RSPH14: variants seen among roughly 807,000 people sequenced by gnomAD.
RSPH14 encodes the protein radial spoke head 14 homolog.
RSPH14 carries 20 observed loss-of-function variants against 26.7 expected under a neutral mutation model. The observed-to-expected ratio is 0.75, with a 90% confidence interval of 0.53 to 1.09. The LOEUF is 1.09. Ranked by LOEUF, RSPH14 falls within the 50% of genes least tolerant of loss-of-function variation. The probability of loss-of-function intolerance (pLI) is 0.00; values close to 1 mark genes in which losing one functional copy is unlikely to be tolerated. For synonymous variants in RSPH14, 177 were observed against 189.3 expected (o/e 0.93, Z 0.53); for missense variants, 449 against 457.2 (o/e 0.98, Z 0.16).
At chr22:23,141,582 C>G in intron 1 of RSPH14, among the ~76,000 whole-genome samples, 1 of 152,136 alleles carries the variant, frequency 6.6e-6, no homozygotes, top group South Asian at 2.1e-4. Flanking sequence ...AGGGCTTCAG[C>G]TATGTTGGCT....
At chr22:23,139,623 A>G (rs890714767) in intron 2 of RSPH14, among the ~76,000 whole-genome samples, 2 of 151,304 alleles carry the variant, frequency 1.3e-5, no homozygotes, top group African/African-American at 4.9e-5. Flanking sequence ...GCCATCTCAA[A>G]AAATAAATAA....
chr22:23,083,326 C>G (rs1286159254), intron 4 of RSPH14, among the ~76,000 whole-genome samples: 1 of 152,026 alleles, frequency 6.6e-6, no homozygotes, highest in African/African-American at 2.4e-5. Context: ...CCAGGGATAT[C>G]ACGGGCTCCA....
intron 4 of RSPH14, among the ~76,000 whole-genome samples, chr22:23,087,831 A>G (rs560095353): frequency 3.7e-4 from 56 of 152,320 alleles, no homozygotes; most frequent in Admixed American, 6.5e-4. Flanking sequence ...CATCAAGTGC[A>G]GGGTCTGCAA....
chr22:23,150,042 C>A, the RSPH14 span: 1 of 1,573,248 alleles, frequency 6.4e-7, no homozygotes, highest in Non-Finnish European at 8.7e-7. Flanking sequence ...ATGATGTGTC[C>A]GTCTGTCTGT....
rs1007401272 is a variant in RSPH14 at position 23,109,553 on chromosome 22, G to A, written c.421+24473C>T. On this transcript the variant is annotated intron_variant, in intron 4 of 6. Coordinates refer to ENST00000216036, the MANE Select transcript of RSPH14 (RefSeq NM_014433.3). Reference sequence around the variant, plus strand: ...CCCAGGGCCTACACTTGGGAGGCCTGTGGCTGGGCCAGGAGGATGAACCAG... The same window carrying A: ...CCCAGGGCCTACACTTGGGAGGCCTATGGCTGGGCCAGGAGGATGAACCAG... 2.0e-5 allele frequency among the ~76,000 whole-genome samples: 3 copies of A among 152,320 alleles called. No homozygotes were observed. In the Middle Eastern group the frequency reaches 0.01, roughly 518 times the overall value.
the RSPH14 span, chr22:23,163,606 GC>G: frequency 0.074 from 9,280 of 125,320 alleles, 1,230 homozygotes; most frequent in African/African-American, 0.24. Context: ...CAAGGTGAAA[GC>G]CCCCCCCCCG....
chr22:23,176,004 C>G, the RSPH14 span, among the ~76,000 whole-genome samples: 14 of 152,236 alleles, frequency 9.2e-5, no homozygotes, highest in Non-Finnish European at 1.5e-4. Context: ...CCTTCTCCAC[C>G]CAGCCTCACG....
upstream of RSPH14, among the ~76,000 whole-genome samples, chr22:23,146,996 C>G (rs1421748721): frequency 6.6e-6 from 1 of 152,196 alleles, no homozygotes; most frequent in Non-Finnish European, 1.5e-5. Context: ...TACTCAACCT[C>G]TCAGAGCCAC....
chr22:23,138,744 C>T (rs2070527592), intron 3 of RSPH14, 96 bp downstream of exon 3: 2 of 999,920 alleles, frequency 2.0e-6, no homozygotes, highest in Non-Finnish European at 2.9e-6. Context: ...ATGCGGCAGA[C>T]AACACTCCAG....
At chr22:23,069,102 T>C (rs1447245451) in intron 4 of RSPH14, among the ~76,000 whole-genome samples, 2 of 152,294 alleles carry the variant, frequency 1.3e-5, no homozygotes, top group Middle Eastern at 3.4e-3. Flanking sequence ...AGAGGAAACA[T>C]TCCTAGGGAG....
rs188899885 is a variant in RSPH14, at chr22:23,063,115, C to T, written c.653+787G>A. Among the ~76,000 whole-genome samples the T allele has an allele frequency of 9.2e-5, 14 of 152,222 alleles. No individual in the cohort carries two copies. The East Asian group carries it at 2.5e-3, about 27-fold the overall frequency. On this transcript the variant is annotated intron_variant, in intron 5 of 6. Transcript: ENST00000216036. ...TCTCCTGGAAAGCCACTCTCATGGT[C>T]CCACAGAAAGGGGACCTCTGAGCAG...
chr22:23,072,067 G>C (rs1466753675), intron 4 of RSPH14, among the ~76,000 whole-genome samples: 1 of 152,082 alleles, frequency 6.6e-6, no homozygotes, highest in Non-Finnish European at 1.5e-5. Flanking sequence ...GGGTGGGCCT[G>C]GAGAAGAGCT....
the RSPH14 span, among the ~76,000 whole-genome samples, chr22:23,175,861 A>G: frequency 8.5e-5 from 13 of 152,206 alleles, no homozygotes; most frequent in African/African-American, 3.1e-4. Flanking sequence ...CTGAGGGAAC[A>G]GCAGCTATCA....
chr22:23,150,888 A>G, the RSPH14 span, among the ~76,000 whole-genome samples: 1 of 152,126 alleles, frequency 6.6e-6, no homozygotes, highest in Non-Finnish European at 1.5e-5. Context: ...CTTATCTCAC[A>G]GAATTGCAGG....
intron 4 of RSPH14, among the ~76,000 whole-genome samples, chr22:23,070,034 G>C (rs1309918388): frequency 6.6e-6 from 1 of 152,180 alleles, no homozygotes; most frequent in East Asian, 1.9e-4. Context: ...GCCAGAGGTG[G>C]CCCCTGGGGC....
chr22:23,146,174 C>T (rs1940277438), upstream of RSPH14: 1 of 255,454 alleles, frequency 3.9e-6, no homozygotes, highest in Non-Finnish European at 6.1e-6. Flanking sequence ...TGGCCTCTGC[C>T]CCATATTCCT....
the RSPH14 span, among the ~76,000 whole-genome samples, chr22:23,160,478 G>T: frequency 6.6e-6 from 1 of 152,228 alleles, no homozygotes; most frequent in South Asian, 2.1e-4. Context: ...AATCCTCACA[G>T]CCCCACCGGA....
At chr22:23,090,556 T>A (rs1289999062) in intron 4 of RSPH14, among the ~76,000 whole-genome samples, 3 of 152,086 alleles carry the variant, frequency 2.0e-5, no homozygotes, top group Admixed American at 2.0e-4. Context: ...CCTCCTACCC[T>A]CTTGGCACCA....
Position 23,138,911 on chromosome 22 carries a change from C to G in RSPH14, c.231G>C (p.Lys77Asn). 1.3e-6 allele frequency: 2 copies of G among 1,549,356 alleles called. No homozygotes were observed. The highest frequency in any genetic ancestry group is 2.4e-5 in the South Asian group (2 of 84,004). Residue 77 changes from lysine to asparagine, a missense_variant, in exon 3 of 7, where the codon AAG becomes AAC. Transcript: ENST00000216036. ...TTATGCGCACCATACTGTTGCTATC[C>G]TTCAGCAAAGCTTTCAGGTTCTCCA... The part of the protein sequence containing the change: ...GCMENLKALL[K>N]DSNSMVRIKT...
Sources: allele counts gnomAD v4.1 joint callset (sites outside exome capture counted in the v4.1 genomes callset), GRCh38; gene constraint gnomAD v4.1.1; transcripts MANE v1.5; gene names NCBI Gene and HGNC (gene_info 2026-07-23, HGNC 2026-07-21).